NTM: variants seen among roughly 807,000 people sequenced by gnomAD.
The protein encoded by NTM is IgLON family member 2.
In NTM, 13 loss-of-function variants were observed where a neutral mutation model predicts 42.1. The observed-to-expected ratio is 0.31, with a 90% confidence interval of 0.20 to 0.49. The LOEUF (loss-of-function observed/expected upper bound fraction) is 0.49, where lower values mean the gene tolerates loss of function less well. Ranked by LOEUF, NTM falls within the 20% of genes least tolerant of loss-of-function variation. The probability of loss-of-function intolerance (pLI) is 0.99; values close to 1 mark genes in which losing one functional copy is unlikely to be tolerated. For missense variants in NTM, 373 were observed against 452.8 expected (o/e 0.82, Z 1.60); for synonymous variants, 187 against 179.2 (o/e 1.04, Z -0.35).
intron 1 of NTM, among the ~76,000 whole-genome samples, chr11:131,893,639 G>A (rs955791107): frequency 5.3e-5 from 8 of 152,134 alleles, no homozygotes; most frequent in Non-Finnish European, 7.3e-5. Flanking sequence ...TTTCTCCCAA[G>A]GAAATGGAAA....
intron 1 of NTM, among the ~76,000 whole-genome samples, chr11:131,448,882 T>A (rs919833057): frequency 6.6e-5 from 10 of 152,142 alleles, no homozygotes; most frequent in Admixed American, 6.5e-4. Flanking sequence ...GGAATGGTGG[T>A]CTAAGTCATT....
At chr11:131,713,551 C>G (rs1463190050) in intron 1 of NTM, among the ~76,000 whole-genome samples, 2 of 152,196 alleles carry the variant, frequency 1.3e-5, no homozygotes, top group Admixed American at 1.3e-4. Flanking sequence ...AACCTTTCCT[C>G]TCTTCCTTTC....
intron 1 of NTM, among the ~76,000 whole-genome samples, chr11:131,641,173 C>T (rs1304963494): frequency 2.0e-5 from 3 of 152,156 alleles, no homozygotes; most frequent in Non-Finnish European, 2.9e-5. Context: ...ATAATGACAA[C>T]GATCATGTTT....
intron 1 of NTM, among the ~76,000 whole-genome samples, chr11:131,767,810 G>A (rs1457932686): frequency 2.6e-5 from 4 of 152,130 alleles, no homozygotes; most frequent in Non-Finnish European, 5.9e-5. Flanking sequence ...CTGAGCCTTC[G>A]AGATTTGCAG....
At chr11:132,149,517 A>G (rs2071383925) in intron 3 of NTM, among the ~76,000 whole-genome samples, 9 of 152,234 alleles carry the variant, frequency 5.9e-5, no homozygotes, top group Admixed American at 5.9e-4. Flanking sequence ...AAATAAATCC[A>G]CACAGAAGGA....
intron 3 of NTM, among the ~76,000 whole-genome samples, chr11:132,185,209 C>T (rs1208413815): frequency 6.6e-6 from 1 of 151,984 alleles, no homozygotes; most frequent in Non-Finnish European, 1.5e-5. Flanking sequence ...GTCACTCTCA[C>T]TCCCCCCATA....
chr11:131,958,355 G>A (rs1280217924), intron 2 of NTM, among the ~76,000 whole-genome samples: 2 of 152,084 alleles, frequency 1.3e-5, no homozygotes, highest in South Asian at 4.2e-4. Context: ...GAGTGAAGAG[G>A]TACCCCACCC....
chr11:132,335,151 A>T lies in NTM; in HGVS notation c.*5A>T. On this transcript the variant is annotated 3_prime_UTR_variant, in exon 9 of 9. Coordinates refer to ENST00000683400, the MANE Select transcript of NTM (RefSeq NM_001352005.2). ...CACCTGCTTCTCAAATTTTGATGTG[A>T]GTGCCACTTCCCCACCCGGGAAAGG... The T allele has an allele frequency of 5.0e-6, 8 of 1,612,052 alleles. No homozygotes were observed. Among genetic ancestry groups the T allele is most frequent in the Non-Finnish European group, 6.8e-6 (8 of 1,179,930 alleles).
chr11:132,051,447 G>A (rs192596415), intron 2 of NTM, among the ~76,000 whole-genome samples: 28 of 152,306 alleles, frequency 1.8e-4, no homozygotes, highest in South Asian at 6.2e-4. Context: ...TTTTCACTCC[G>A]TGTGGGTTCT....
chr11:131,673,100 A>G (rs886339015), intron 1 of NTM, among the ~76,000 whole-genome samples: 1 of 152,158 alleles, frequency 6.6e-6, no homozygotes, highest in African/African-American at 2.4e-5. Flanking sequence ...TAGCCTAAAA[A>G]TAGATGGGGA....
intron 1 of NTM, among the ~76,000 whole-genome samples, chr11:131,633,718 C>CCT (rs147050089): frequency 0.042 from 549 of 13,176 alleles, 30 homozygotes; most frequent in African/African-American, 0.08. Flanking sequence ...TCTCTCCCTC[C>CCT]CTCTCTCTCT....
chr11:132,171,287 C>T (rs2076079273), intron 3 of NTM, among the ~76,000 whole-genome samples: 1 of 152,150 alleles, frequency 6.6e-6, no homozygotes, highest in Non-Finnish European at 1.5e-5. Flanking sequence ...TTAATCTGCC[C>T]AAGCTGCTAT....
rs114483475 is a variant in NTM at position 131,647,107 on chromosome 11, C to T, written c.83-264457C>T. Among the ~76,000 whole-genome samples the T allele has an allele frequency of 4.1e-3, 626 of 152,330 alleles. 1 individual carries two copies. The highest frequency in any genetic ancestry group is 0.014 in the African/African-American group (596 of 41,566). On this transcript the variant is annotated intron_variant, in intron 1 of 8. Transcript: ENST00000683400. ...AACTCGGGGTGAACTCATCTTAAAT[C>T]CCACACGTTTTCTCAGTGGGATTAT...
intron 3 of NTM, among the ~76,000 whole-genome samples, chr11:132,198,090 G>T (rs1410670393): frequency 1.3e-5 from 2 of 152,156 alleles, no homozygotes; most frequent in Non-Finnish European, 2.9e-5. Context: ...TTCCACAATG[G>T]TTGAACTAGT....
rs896607818 is a variant in NTM, at chr11:132,068,094, C to G, written c.168-78188C>G. On this transcript the variant is annotated intron_variant, in intron 2 of 8. Transcript: ENST00000683400. Reference sequence around the variant, plus strand: ...CCATTCATATCCAAGGGTCACATACCCATTCCCTTCAGTTCTAGCAACAGG... The same window carrying G: ...CCATTCATATCCAAGGGTCACATACGCATTCCCTTCAGTTCTAGCAACAGG... Among the ~76,000 whole-genome samples the G allele has an allele frequency of 1.3e-5, 2 of 152,274 alleles. 1 individual carries two copies.
chr11:132,268,664 C>CTGTGTG (rs1396992687), intron 4 of NTM, among the ~76,000 whole-genome samples: 3 of 57,160 alleles, frequency 5.2e-5, no homozygotes, highest in East Asian at 2.5e-4. Context: ...GGTCCTCTCT[C>CTGTGTG]TCTCTCTGTG....
chr11:132,109,683 T>C (rs965675858), intron 2 of NTM, among the ~76,000 whole-genome samples: 2 of 152,140 alleles, frequency 1.3e-5, no homozygotes, highest in Non-Finnish European at 2.9e-5. Context: ...TGGCCAGCCA[T>C]GCTGCTCTCC....
chr11:131,394,571 C>G (rs370345406), intron 1 of NTM, among the ~76,000 whole-genome samples: 1 of 152,170 alleles, frequency 6.6e-6, no homozygotes, highest in South Asian at 2.1e-4. Flanking sequence ...TCTGAACGAA[C>G]CTTCCAGCCC....
In NTM at chr11:131,627,008, G is replaced by A. The variant is rs76070211; in HGVS notation, c.82+256120G>A. Among the ~76,000 whole-genome samples the A allele has an allele frequency of 5.7e-3, 861 of 152,320 alleles. 9 individuals carry two copies. The highest frequency in any genetic ancestry group is 0.019 in the African/African-American group (799 of 41,576). ...CCGCTGTAGGGTAATGAGATGCGAG[G>A]ATCTGGCGTGTTTGACAAGCTGGTT... On this transcript the variant is annotated intron_variant, in intron 1 of 8. Coordinates refer to ENST00000683400, the MANE Select transcript of NTM (RefSeq NM_001352005.2).
Sources: gnomAD v4.1 joint callset for allele counts (sites outside exome capture counted in the v4.1 genomes callset) on GRCh38, gnomAD v4.1.1 for gene constraint, MANE v1.5 for transcripts, NCBI Gene and HGNC (gene_info 2026-07-23, HGNC 2026-07-21) for gene names.